DHRS3: variants seen among roughly 807,000 people sequenced by gnomAD.
The protein encoded by DHRS3 is short-chain dehydrogenase/reductase 3.
In DHRS3, 14 loss-of-function variants were observed where a neutral mutation model predicts 27.2. The ratio of observed to expected loss-of-function variants is 0.52; its 90% CI spans 0.34 to 0.81. DHRS3 has a LOEUF of 0.81. DHRS3 is among the 30% of genes least tolerant of loss of function. The probability of loss-of-function intolerance (pLI) is 0.01; values close to 1 mark genes in which losing one functional copy is unlikely to be tolerated. For synonymous variants in DHRS3, 165 were observed against 175.9 expected (o/e 0.94, Z 0.49); for missense variants, 322 against 406.2 (o/e 0.79, Z 1.78).
chr1:12,588,558 G>A (rs1261622561), intron 1 of DHRS3, among the ~76,000 whole-genome samples: 1 of 152,150 alleles, frequency 6.6e-6, no homozygotes, highest in Non-Finnish European at 1.5e-5. Context: ...CCTCTCCCAT[G>A]AGCGTGCAAG....
intron 4 of DHRS3, among the ~76,000 whole-genome samples, chr1:12,573,638 G>C (rs1360707755): frequency 6.6e-6 from 1 of 152,202 alleles, no homozygotes; most frequent in Non-Finnish European, 1.5e-5. Context: ...GGCTCAGCTT[G>C]CTGGTTCACT....
intron 1 of DHRS3, among the ~76,000 whole-genome samples, chr1:12,582,253 A>G (rs1646650892): frequency 6.6e-6 from 1 of 152,218 alleles, no homozygotes; most frequent in Non-Finnish European, 1.5e-5. Context: ...GAGAGGGCAC[A>G]AAACAGGCCT....
At chr1:12,611,122 C>G (rs1314450857) in intron 1 of DHRS3, among the ~76,000 whole-genome samples, 1 of 152,142 alleles carries the variant, frequency 6.6e-6, no homozygotes, top group Non-Finnish European at 1.5e-5. Context: ...AAAGTAACTG[C>G]AAAGATACAG....
intron 1 of DHRS3, among the ~76,000 whole-genome samples, chr1:12,589,530 A>G (rs1331086655): frequency 6.6e-6 from 1 of 151,880 alleles, no homozygotes; most frequent in Non-Finnish European, 1.5e-5. Flanking sequence ...CTGGGATCAC[A>G]GGTGTGCACC....
At chr1:12,571,345 A>T (rs552934523) in intron 5 of DHRS3, among the ~76,000 whole-genome samples, 6 of 152,060 alleles carry the variant, frequency 3.9e-5, no homozygotes, top group Non-Finnish European at 8.8e-5. Context: ...ATCCCACCCG[A>T]CTGGTACTAA....
intron 4 of DHRS3, among the ~76,000 whole-genome samples, chr1:12,576,472 G>A (rs972133365): frequency 3.3e-5 from 5 of 151,956 alleles, no homozygotes; most frequent in Non-Finnish European, 5.9e-5. Flanking sequence ...TGAGGCAGGA[G>A]AATGGCATGA....
Position 12,614,225 on chromosome 1 carries a change from C to T in DHRS3, c.195+2929G>A, listed in dbSNP as rs538317941. Among the ~76,000 whole-genome samples, 5 of 152,266 alleles carry T rather than the reference C, an allele frequency of 3.3e-5. No homozygotes were observed. In the East Asian group the frequency reaches 9.6e-4, roughly 29 times the overall value. ...TACAAATACTTCTAAATGAACGGTC[C>T]ACTTCTCCTCTCAGGGGCTCCTGCT... On this transcript the variant is annotated intron_variant, in intron 1 of 5. Coordinates refer to ENST00000616661, the MANE Select transcript of DHRS3 (RefSeq NM_004753.7).
chr1:12,598,414 C>A (rs893311825), intron 1 of DHRS3, among the ~76,000 whole-genome samples: 21 of 152,252 alleles, frequency 1.4e-4, no homozygotes, highest in Admixed American at 4.6e-4. Flanking sequence ...CAACAGTACT[C>A]ATCATAATTA....
chr1:12,602,484 G>A (rs934837685), intron 1 of DHRS3, among the ~76,000 whole-genome samples: 1 of 152,190 alleles, frequency 6.6e-6, no homozygotes, highest in Non-Finnish European at 1.5e-5. Context: ...CTTCCCGGGG[G>A]AGTCCCAGAA....
chr1:12,606,236 G>C (rs1570398541), intron 1 of DHRS3, among the ~76,000 whole-genome samples: 1 of 144,342 alleles, frequency 6.9e-6, no homozygotes, highest in East Asian at 2.1e-4. Flanking sequence ...TGAAGTGCCA[G>C]ACCATCCACA....
chr1:12,603,961 T>G (rs774081723), intron 1 of DHRS3, among the ~76,000 whole-genome samples: 1 of 152,220 alleles, frequency 6.6e-6, no homozygotes, highest in Non-Finnish European at 1.5e-5. Flanking sequence ...AGCCTGCATC[T>G]GAGCCTGTAG....
At chr1:12,580,053 T>C (rs12128227) in intron 2 of DHRS3, 41,010 of 266,612 alleles carry the variant, frequency 0.15, 3,819 homozygotes, top group Non-Finnish European at 0.21. Flanking sequence ...CCAGGACTGT[T>C]CTGAGGAGGA....
chr1:12,582,796 A>G (rs1049217109), intron 1 of DHRS3, among the ~76,000 whole-genome samples: 5 of 151,270 alleles, frequency 3.3e-5, no homozygotes, highest in Non-Finnish European at 7.4e-5. Flanking sequence ...CCATCCATCT[A>G]TCCACCACAC....
chr1:12,617,189 G>A lies in DHRS3; in HGVS notation c.160C>T (p.Leu54Phe), dbSNP rs1646950023. Residue 54 changes from leucine to phenylalanine, a missense_variant, in exon 1 of 6, where the codon CTC becomes TTC. Leu to Phe is a conservative substitution (Grantham distance 22, BLOSUM62 0). Coordinates refer to ENST00000616661, the MANE Select transcript of DHRS3 (RefSeq NM_004753.7). ...CCGCGCTCCGCGAACTCGCGGGCGA[G>A]CTGACGCCCGATGCCTCTCCCGCCG... ...TGGGRGIGRQ[L>F]AREFAERGAR... 6.2e-7 allele frequency: 1 copy of A among 1,612,704 alleles called. No individual in the cohort carries two copies. The highest frequency in any genetic ancestry group is 1.3e-5 in the African/African-American group (1 of 74,920).
At chr1:12,611,934 A>AAAATAAATAAATAAATAAATAAAT (rs138133904) in intron 1 of DHRS3, among the ~76,000 whole-genome samples, 8,921 of 144,652 alleles carry the variant, frequency 0.062, 529 homozygotes, top group East Asian at 0.21. Flanking sequence ...CTCTATTTTT[A>AAAATAAATAAATAAATAAATAAAT]AAATAAATAA....
chr1:12,578,605 C>A lies in DHRS3; in HGVS notation c.698+113G>T. The A allele has an allele frequency of 9.4e-7, 1 of 1,067,136 alleles. No individual in the cohort carries two copies. The highest frequency in any genetic ancestry group is 1.4e-6 in the Non-Finnish European group (1 of 709,862). The allele number at this position is 1,067,136 out of a possible 1,614,324, so 66.1% of individuals were successfully genotyped here. On this transcript the variant is annotated intron_variant, in intron 4 of 5. Coordinates refer to ENST00000616661, the MANE Select transcript of DHRS3 (RefSeq NM_004753.7). The surrounding 1 kb of genome is among the most constrained non-coding windows in gnomAD (Gnocchi z 4.5). The stretch of plus-strand genomic sequence containing the variant: ...AAATGCTAGGATTATAGGTATGAGG[C>A]ACCGTGCCTAGCCCGATTTTTATAT...
chr1:12,597,154 G>C (rs1570389198), intron 1 of DHRS3, among the ~76,000 whole-genome samples: 2 of 152,128 alleles, frequency 1.3e-5, no homozygotes. Context: ...TCGGCTCACT[G>C]CAACCTCCGC....
In DHRS3 at chr1:12,578,921, C is replaced by A. The variant is rs1380932499; in HGVS notation, c.495G>T (p.Leu165=). 6.2e-7 allele frequency: 1 copy of A among 1,613,536 alleles called. No homozygotes were observed. Reference sequence around the variant, plus strand: ...TGAGGCACACGATGTGGCCATTCTGCAGCTCCAGCATACGCGGCAGGAAGG... The same window carrying A: ...TGAGGCACACGATGTGGCCATTCTGAAGCTCCAGCATACGCGGCAGGAAGG... ...TKAFLPRMLE[L]QNGHIVCLNS... The change falls in exon 4 of 6, where the codon CTG becomes CTT. Residue 165 remains leucine, a synonymous_variant. Coordinates refer to ENST00000616661, the MANE Select transcript of DHRS3 (RefSeq NM_004753.7). The surrounding 1 kb of genome is among the most constrained non-coding windows in gnomAD (Gnocchi z 4.5).
At chr1:12,584,079 G>C (rs947305665) in intron 1 of DHRS3, among the ~76,000 whole-genome samples, 1 of 152,152 alleles carries the variant, frequency 6.6e-6, no homozygotes, top group Non-Finnish European at 1.5e-5. Flanking sequence ...TGGCTCCTAT[G>C]TGTAACAGGA....
Sources: gnomAD v4.1 joint callset for allele counts (sites outside exome capture counted in the v4.1 genomes callset) on GRCh38, gnomAD v4.1.1 for gene constraint, Gnocchi (gnomAD v3.1) non-coding constraint, MANE v1.5 for transcripts, NCBI Gene and HGNC (gene_info 2026-07-23, HGNC 2026-07-21) for gene names.